Variants in CPT1A observed in about 807,000 individuals in gnomAD.
CPT1A encodes carnitine palmitoyltransferase 1A.
A neutral mutation model predicts 100.8 loss-of-function variants in CPT1A; 64 were observed. That is an observed-to-expected ratio of 0.63 (90% CI 0.52 to 0.78). CPT1A has a LOEUF of 0.78. Ranked by LOEUF, CPT1A falls within the 30% of genes least tolerant of loss-of-function variation. CPT1A has a pLI of 0.00. For synonymous variants in CPT1A, 363 were observed against 396.0 expected, an observed-to-expected ratio of 0.92 and a Z score of 0.99; for missense variants, 802 against 1,034.1, an observed-to-expected ratio of 0.78 and a Z score of 3.08.
At chr11:68,763,155 C>T (rs1594318246) in intron 14 of CPT1A, among the ~76,000 whole-genome samples, 2 of 152,106 alleles carry the variant, frequency 1.3e-5, no homozygotes, top group Non-Finnish European at 2.9e-5. Context: ...AGCCTATTGT[C>T]GAATCATATT....
At chr11:68,835,149 C>T (rs561511269) in intron 1 of CPT1A, among the ~76,000 whole-genome samples, 6 of 152,272 alleles carry the variant, frequency 3.9e-5, no homozygotes, top group South Asian at 2.1e-4. Context: ...AGATAGCCAA[C>T]GTATTGACAG....
In CPT1A at chr11:68,788,630, TAAAAAAA is replaced by T; in HGVS notation, c.968-3627_968-3621del. 4.4e-4 allele frequency among the ~76,000 whole-genome samples: 12 copies of T among 27,556 alleles called. 1 individual carries two copies. In the South Asian group the frequency reaches 0.021, roughly 49 times the overall value. The allele number at this position is 27,556 out of a possible 152,430, so 18.1% of individuals were successfully genotyped here. ...ACAAAAACAAACAAACAAACAAAAG[TAAAAAAA>T]AAAAAAAAAAAAAAAAAGCAGAATG... On this transcript the variant is annotated intron_variant, in intron 9 of 18. Transcript: ENST00000265641.
Position 68,755,017 on chromosome 11 carries a change from C to T in CPT1A, c.*2627G>A, listed in dbSNP as rs539131366. The T allele has an allele frequency of 2.0e-5, 12 of 612,068 alleles. No homozygotes were observed. Among genetic ancestry groups the T allele is most frequent in the African/African-American group, 9.2e-5 (5 of 54,428 alleles). The allele number at this position is 612,068 out of a possible 1,614,324, so 37.9% of individuals were successfully genotyped here. ...AGATAACAAATTCAAACCATGGCTG[C>T]GTTAAGACAATGGTTTGTTCCAATT... On this transcript the variant is annotated 3_prime_UTR_variant, in exon 19 of 19. Transcript: ENST00000265641.
Position 68,803,572 on chromosome 11 carries a change from G to A in CPT1A, c.555+428C>T, listed in dbSNP as rs187885297. On this transcript the variant is annotated intron_variant, in intron 5 of 18. Transcript: ENST00000265641. ...CTAAAAATACAAAAATTAGCCGGGC[G>A]TGGTGGCAGGTGCCTGTAATCCCAG... is the stretch of plus-strand genomic sequence containing the variant. Among the ~76,000 whole-genome samples, 1,519 of 151,972 alleles carry A rather than the reference G, an allele frequency of 1.0e-2. 27 individuals are homozygous for A. Among genetic ancestry groups the A allele is most frequent in the African/African-American group, 0.034 (1,421 of 41,454 alleles).
intron 14 of CPT1A, among the ~76,000 whole-genome samples, chr11:68,772,506 A>G (rs1482119461): frequency 1.7e-5 from 1 of 58,148 alleles, no homozygotes; most frequent in Non-Finnish European, 5.1e-5. Flanking sequence ...CTCCTCCAAC[A>G]GGGGTTGCCA....
At chr11:68,816,077 C>T (rs896583512) in intron 1 of CPT1A, among the ~76,000 whole-genome samples, 1 of 152,180 alleles carries the variant, frequency 6.6e-6, no homozygotes, top group Non-Finnish European at 1.5e-5. Flanking sequence ...AAGCCCACGG[C>T]GCTTCAGCAA....
chr11:68,757,307 C>T lies in CPT1A; in HGVS notation c.*337G>A, dbSNP rs1946710439. On this transcript the variant is annotated 3_prime_UTR_variant, in exon 19 of 19. Coordinates refer to ENST00000265641, the MANE Select transcript of CPT1A (RefSeq NM_001876.4). The stretch of plus-strand genomic sequence containing the variant: ...TTCGGTTGCCACTGAGAAAGCACAC[C>T]ATTTCCATTCCACTGTGTGTGAAGC... The T allele has an allele frequency of 3.4e-6, 4 of 1,190,794 alleles. 1 individual carries two copies. The South Asian group carries it at 7.9e-5, about 24-fold the overall frequency. The allele number at this position is 1,190,794 out of a possible 1,614,324, so 73.8% of individuals were successfully genotyped here.
At chr11:68,797,102 G>A (rs1441986354) in intron 6 of CPT1A, among the ~76,000 whole-genome samples, 169 bp from the exon 7 acceptor site, 1 of 152,156 alleles carries the variant, frequency 6.6e-6, no homozygotes, top group Non-Finnish European at 1.5e-5. Context: ...TAGATGGAAT[G>A]CGACACCGTG....
chr11:68,823,646 G>A (rs952197978), intron 1 of CPT1A, among the ~76,000 whole-genome samples: 5 of 151,846 alleles, frequency 3.3e-5, no homozygotes, highest in South Asian at 2.1e-4. Flanking sequence ...AAAATTAGCC[G>A]GGCATGGTGG....
chr11:68,799,347 C>T lies in CPT1A; in HGVS notation c.564G>A (p.Gln188=). 4.3e-6 allele frequency: 7 copies of T among 1,613,778 alleles called. No homozygotes were observed. The highest frequency in any genetic ancestry group is 5.9e-6 in the Non-Finnish European group (7 of 1,179,820). The change falls in exon 6 of 19, where the codon CAG becomes CAA. Residue 188 remains glutamine (Q), a synonymous_variant. Coordinates refer to ENST00000265641, the MANE Select transcript of CPT1A (RefSeq NM_001876.4). ...AVKDTVNRYL[Q]SVRPLMKEED... is the part of the protein sequence containing the mutation. ...CTTCCTTCATAAGAGGCCTCACCGACTGTAGATACTGGGATTATTGGGGGA... is the reference window on the plus strand; with the variant it reads ...CTTCCTTCATAAGAGGCCTCACCGATTGTAGATACTGGGATTATTGGGGGA...
chr11:68,761,766 C>G (rs765095363), intron 15 of CPT1A, 79 bp from the exon 16 acceptor site: 97 of 1,518,890 alleles, frequency 6.4e-5, no homozygotes, highest in Non-Finnish European at 8.2e-5. Context: ...GCCACCGCAC[C>G]CGGCTAATAT....
chr11:68,815,712 A>T (rs1355659947), intron 1 of CPT1A, among the ~76,000 whole-genome samples: 1 of 152,142 alleles, frequency 6.6e-6, no homozygotes, highest in Non-Finnish European at 1.5e-5. Context: ...CAAGATGATC[A>T]TCAGGAGTCA....
Position 68,796,860 on chromosome 11 carries a change from G to A in CPT1A, c.767C>T (p.Ala256Val), listed in dbSNP as rs200569947. The A allele has an allele frequency of 1.2e-6, 2 of 1,613,962 alleles. No homozygotes were observed. Among genetic ancestry groups the A allele is most frequent in the African/African-American group, 1.3e-5 (1 of 75,048 alleles). The change falls in exon 7 of 19, where the codon GCC becomes GTC. Residue 256 changes from alanine to valine, a missense_variant. Coordinates refer to ENST00000265641, the MANE Select transcript of CPT1A (RefSeq NM_001876.4). The stretch of plus-strand genomic sequence containing the variant: ...AGCCCGGGCGGGTGGACTCACCATG[G>A]CATAATAGTTGCTGTTCACCATGAG... ...GPLMVNSNYY[A>V]MDLLYILPTH...
At chr11:68,779,701 T>C (rs1855251835) in intron 12 of CPT1A, among the ~76,000 whole-genome samples, 1 of 146,122 alleles carries the variant, frequency 6.8e-6, no homozygotes, top group African/African-American at 2.5e-5. Context: ...GAGGCTGGGG[T>C]GGGAGAATGT....
intron 14 of CPT1A, among the ~76,000 whole-genome samples, chr11:68,770,203 A>G (rs1296381062): frequency 1.3e-5 from 2 of 151,930 alleles, no homozygotes; most frequent in African/African-American, 4.8e-5. Context: ...CCCAGAGTCC[A>G]GTCTGCTTTA....
chr11:68,813,174 A>T (rs1856267455), intron 2 of CPT1A, among the ~76,000 whole-genome samples: 1 of 151,920 alleles, frequency 6.6e-6, no homozygotes, highest in Non-Finnish European at 1.5e-5. Flanking sequence ...AACTCCAATT[A>T]AAAAAAATTC....
intron 6 of CPT1A, among the ~76,000 whole-genome samples, chr11:68,798,656 C>T (rs1380955139): frequency 2.6e-5 from 4 of 152,090 alleles, no homozygotes; most frequent in African/African-American, 9.7e-5. Context: ...CGCCCTATCC[C>T]ACACCATCCC....
rs762563555 is a variant in CPT1A, at chr11:68,784,988, G to A, written c.990C>T (p.Asp330=). 1.2e-5 allele frequency: 20 copies of A among 1,613,786 alleles called. No individual in the cohort carries two copies. The highest frequency in any genetic ancestry group is 1.6e-5 in the Non-Finnish European group (19 of 1,180,038). ...GATGGTACACGACGATGTGCTTGCTGTCTCTCATGTGCTGGATGGTGTCTG... is the reference window on the plus strand; with the variant it reads ...GATGGTACACGACGATGTGCTTGCTATCTCTCATGTGCTGGATGGTGTCTG... ...EETDTIQHMR[D]SKHIVVYHRG... is the part of the protein sequence containing the mutation. Residue 330 remains aspartate (D), a synonymous_variant, in exon 10 of 19, where the codon GAC becomes GAT. Transcript: ENST00000265641.
chr11:68,822,454 G>T (rs973012931), intron 1 of CPT1A, among the ~76,000 whole-genome samples: 1 of 151,800 alleles, frequency 6.6e-6, no homozygotes, highest in Non-Finnish European at 1.5e-5. Flanking sequence ...GATCGCTTGA[G>T]CCCAGGAAGT....
Sources: gnomAD v4.1 joint callset for allele counts (sites outside exome capture counted in the v4.1 genomes callset) on GRCh38, gnomAD v4.1.1 for gene constraint, MANE v1.5 for transcripts, NCBI Gene and HGNC (gene_info 2026-07-23, HGNC 2026-07-21) for gene names.